The following LRRTM3 variants were observed in gnomAD, a reference collection of about 807,000 sequenced individuals.
The protein encoded by LRRTM3 is leucine rich repeat transmembrane neuronal 3.
A neutral mutation model predicts 44.7 loss-of-function variants in LRRTM3; 24 were observed. The observed-to-expected ratio is 0.54, with a 90% confidence interval of 0.39 to 0.76. The LOEUF (loss-of-function observed/expected upper bound fraction) is 0.76, where lower values mean the gene tolerates loss of function less well. Ranked by LOEUF, LRRTM3 falls within the 30% of genes least tolerant of loss-of-function variation. The probability of loss-of-function intolerance (pLI) is 0.00; values close to 1 mark genes in which losing one functional copy is unlikely to be tolerated. For missense variants in LRRTM3, 587 were observed against 702.2 expected, an observed-to-expected ratio of 0.84 and a Z score of 1.85; for synonymous variants, 277 against 278.7, an observed-to-expected ratio of 0.99 and a Z score of 0.06.
intron 2 of LRRTM3, among the ~76,000 whole-genome samples, chr10:66,998,610 G>A (rs752700362): frequency 2.0e-5 from 3 of 151,966 alleles, no homozygotes; most frequent in Non-Finnish European, 4.4e-5. Flanking sequence ...AAGGCACATT[G>A]GAAATAAAGA....
At position 67,036,767 on chromosome 10, in the gene LRRTM3, A is replaced by T. The variant is rs185985334; in HGVS notation, c.1537-60820A>T. 3.5e-3 allele frequency among the ~76,000 whole-genome samples: 538 copies of T among 152,332 alleles called. 3 individuals carry two copies. The highest frequency in any genetic ancestry group is 0.012 in the African/African-American group (493 of 41,566). On this transcript the variant is annotated intron_variant, in intron 2 of 2. Coordinates refer to ENST00000361320, the MANE Select transcript of LRRTM3 (RefSeq NM_178011.5). ...ATTATCTTTTTTCAATTCTAGAGAT[A>T]CAACAGTGAGCAGAGACAAAAGTTT...
intron 1 of LRRTM3, 74 bp from the exon 2 acceptor site, chr10:66,926,847 A>T (rs1847107572): frequency 7.9e-7 from 1 of 1,267,458 alleles, no homozygotes; most frequent in Non-Finnish European, 1.1e-6. Context: ...TGAAAAATAT[A>T]TGCCTATTTT....
At chr10:66,996,318 C>T (rs546401276) in intron 2 of LRRTM3, among the ~76,000 whole-genome samples, 4 of 152,182 alleles carry the variant, frequency 2.6e-5, no homozygotes, top group African/African-American at 7.2e-5. Flanking sequence ...AGCAAGAGTG[C>T]CATTAATATA....
intron 2 of LRRTM3, among the ~76,000 whole-genome samples, chr10:66,942,785 C>T (rs1213243651): frequency 6.6e-6 from 1 of 152,136 alleles, no homozygotes; most frequent in Non-Finnish European, 1.5e-5. Flanking sequence ...GTAACTATTA[C>T]ATTTCTAGTG....
chr10:67,003,491 CTT>C (rs1357883656), intron 2 of LRRTM3, among the ~76,000 whole-genome samples: 1 of 152,180 alleles, frequency 6.6e-6, no homozygotes, highest in Admixed American at 6.5e-5. Context: ...TTTTGGGAAA[CTT>C]TGCATACTAT....
chr10:67,003,235 G>T (rs1022686558), intron 2 of LRRTM3, among the ~76,000 whole-genome samples: 9 of 152,106 alleles, frequency 5.9e-5, no homozygotes, highest in African/African-American at 2.2e-4. Flanking sequence ...ATAATATTGG[G>T]GAATAAACGA....
intron 2 of LRRTM3, among the ~76,000 whole-genome samples, chr10:67,080,281 G>A (rs1451936192): frequency 6.6e-6 from 1 of 152,108 alleles, no homozygotes; most frequent in Non-Finnish European, 1.5e-5. Flanking sequence ...TATCTTATGG[G>A]GGTGGAAAGA....
intron 2 of LRRTM3, among the ~76,000 whole-genome samples, chr10:67,026,459 TAACAA>T (rs1564840217): frequency 1.3e-5 from 2 of 151,878 alleles, no homozygotes; most frequent in African/African-American, 4.8e-5. Flanking sequence ...CAAAATAATA[TAACAA>T]AACAAAAGAA....
Position 67,051,539 on chromosome 10 carries a change from A to C in LRRTM3, c.1537-46048A>C, listed in dbSNP as rs565122299. Among the ~76,000 whole-genome samples, 289 of 150,634 alleles carry C rather than the reference A, an allele frequency of 1.9e-3. 2 individuals are homozygous for C. The highest frequency in any genetic ancestry group is 6.8e-3 in the African/African-American group (278 of 40,908). ...CAGTGGTGCAATCTCGGCTCACTGC[A>C]ACCTCCGCCTTCCAGGTTCAAGCGA... On this transcript the variant is annotated intron_variant, in intron 2 of 2. Transcript: ENST00000361320.
chr10:66,986,005 C>A (rs752882093), intron 2 of LRRTM3, among the ~76,000 whole-genome samples: 4 of 152,084 alleles, frequency 2.6e-5, no homozygotes, highest in Non-Finnish European at 5.9e-5. Flanking sequence ...GGATTACAGG[C>A]GTGAGCCACC....
At chr10:67,033,538 T>G (rs1190810664) in intron 2 of LRRTM3, among the ~76,000 whole-genome samples, 1 of 152,218 alleles carries the variant, frequency 6.6e-6, no homozygotes, top group Non-Finnish European at 1.5e-5. Context: ...GTAGACATAG[T>G]TCACTTCTAC....
intron 2 of LRRTM3, among the ~76,000 whole-genome samples, chr10:66,950,691 A>G (rs1028757659): frequency 6.6e-6 from 1 of 152,300 alleles, no homozygotes; most frequent in African/African-American, 2.4e-5. Context: ...GAAGTATAAA[A>G]TTACTCCTGA....
chr10:67,016,376 T>G (rs1175460610), intron 2 of LRRTM3, among the ~76,000 whole-genome samples: 1 of 146,796 alleles, frequency 6.8e-6, no homozygotes, highest in Non-Finnish European at 1.5e-5. Flanking sequence ...TCGTTTCTTT[T>G]TGTTTGTTTG....
chr10:67,039,797 C>T (rs1463620925), intron 2 of LRRTM3, among the ~76,000 whole-genome samples: 1 of 152,092 alleles, frequency 6.6e-6, no homozygotes, highest in African/African-American at 2.4e-5. Flanking sequence ...CAGAAATCAG[C>T]ACTGCTTTGT....
At chr10:66,983,205 G>C (rs903370538) in intron 2 of LRRTM3, among the ~76,000 whole-genome samples, 2 of 152,182 alleles carry the variant, frequency 1.3e-5, no homozygotes, top group African/African-American at 4.8e-5. Context: ...ACACTCGGCA[G>C]AAAGACAAAT....
At chr10:66,979,231 G>T (rs933048017) in intron 2 of LRRTM3, among the ~76,000 whole-genome samples, 6 of 151,956 alleles carry the variant, frequency 3.9e-5, no homozygotes, top group Non-Finnish European at 7.4e-5. Context: ...GCCTCCCAAA[G>T]TGCTGGGATT....
In LRRTM3 at chr10:67,026,932, A is replaced by G. The variant is rs371518429; in HGVS notation, c.1537-70655A>G. On this transcript the variant is annotated intron_variant, in intron 2 of 2. Transcript: ENST00000361320. ...CACATTAAAATAGAAACCATTTAGA[A>G]GAGGGATCATGCCTTCTTTATTCTG... Among the ~76,000 whole-genome samples, 5 of 152,348 alleles carry G rather than the reference A, an allele frequency of 3.3e-5. No individual in the cohort carries two copies. The South Asian group carries it at 6.2e-4, about 19-fold the overall frequency.
In LRRTM3 at chr10:66,994,895, C is replaced by G. The variant is rs716547; in HGVS notation, c.1536+66443C>G. Among the ~76,000 whole-genome samples, 3 of 152,022 alleles carry G rather than the reference C, an allele frequency of 2.0e-5. No individual in the cohort carries two copies. The South Asian group carries it at 6.2e-4, about 31-fold the overall frequency. On this transcript the variant is annotated intron_variant, in intron 2 of 2. Coordinates refer to ENST00000361320, the MANE Select transcript of LRRTM3 (RefSeq NM_178011.5). ...CAATATGAAATGTAAAACTAGGAAA[C>G]CCAAATGCAACAAGTGGAAAACATG...
chr10:66,930,883 G>A (rs546173710), intron 2 of LRRTM3, among the ~76,000 whole-genome samples: 1 of 152,166 alleles, frequency 6.6e-6, no homozygotes, highest in African/African-American at 2.4e-5. Flanking sequence ...TGGGAAAAAA[G>A]TTCTTTCTTT....
Sources: gnomAD v4.1 joint callset for allele counts (sites outside exome capture counted in the v4.1 genomes callset) on GRCh38, gnomAD v4.1.1 for gene constraint, MANE v1.5 for transcripts, NCBI Gene and HGNC (gene_info 2026-07-23, HGNC 2026-07-21) for gene names.